Variants in RSRC1 observed in about 807,000 individuals in gnomAD.
The protein encoded by RSRC1 is serine/Arginine-related protein 53.
Under a neutral mutation model 49.1 loss-of-function variants are expected in RSRC1, and 39 were observed. The observed-to-expected ratio is 0.79, with a 90% CI of 0.61 to 1.04. The LOEUF is 1.04. RSRC1 is among the 50% of genes least tolerant of loss of function. The pLI, the probability that RSRC1 is intolerant of heterozygous loss-of-function variation, is 0.00. For synonymous variants in RSRC1, 143 were observed against 130.8 expected (o/e 1.09, Z -0.63); for missense variants, 388 against 402.4 (o/e 0.96, Z 0.31).
chr3:158,519,036 T>A (rs1711521054), intron 7 of RSRC1, among the ~76,000 whole-genome samples: 1 of 152,164 alleles, frequency 6.6e-6, no homozygotes. Flanking sequence ...TAACATATAG[T>A]CATCTCAAAG....
At chr3:158,349,691 CTTTTTTTTT>C (rs775736592) in intron 5 of RSRC1, among the ~76,000 whole-genome samples, 3 of 74,852 alleles carry the variant, frequency 4.0e-5, no homozygotes, top group Non-Finnish European at 7.0e-5. Flanking sequence ...TCTTACTGCC[CTTTTTTTTT>C]TTTTTTTTTT....
chr3:158,513,977 T>C (rs1173396831), intron 7 of RSRC1, among the ~76,000 whole-genome samples: 1 of 152,190 alleles, frequency 6.6e-6, no homozygotes, highest in Non-Finnish European at 1.5e-5. Context: ...CCCTTTATCA[T>C]TTTTTATTGC....
At chr3:158,125,580 A>G (rs1715565708) in intron 3 of RSRC1, among the ~76,000 whole-genome samples, 1 of 152,112 alleles carries the variant, frequency 6.6e-6, no homozygotes. Flanking sequence ...TGTTTCGAAA[A>G]GATACTTGCT....
chr3:158,137,244 A>G (rs761026293), intron 3 of RSRC1, among the ~76,000 whole-genome samples: 17 of 152,140 alleles, frequency 1.1e-4, no homozygotes, highest in Non-Finnish European at 2.2e-4. Context: ...TTCTCAGTCA[A>G]GTTGCTTTAA....
Position 158,340,590 on chromosome 3 carries a change from C to T in RSRC1, c.532-14267C>T, listed in dbSNP as rs549856991. 2.6e-5 allele frequency among the ~76,000 whole-genome samples: 4 copies of T among 152,224 alleles called. No individual in the cohort carries two copies. The South Asian group carries it at 6.2e-4, about 24-fold the overall frequency. On this transcript the variant is annotated intron_variant, in intron 5 of 9. Coordinates refer to ENST00000611884, the MANE Select transcript of RSRC1 (RefSeq NM_001271838.2). The stretch of plus-strand genomic sequence containing the variant: ...CAAAAAAAAGAAGTGCCTTTTGCCT[C>T]CCACCATGATTTTGAGGCCTCCCCA...
At position 158,353,999 on chromosome 3, in the gene RSRC1, T is replaced by TC. The variant is rs1220229783; in HGVS notation, c.532-858_532-857insC. Among the ~76,000 whole-genome samples the TC allele has an allele frequency of 3.5e-4, 49 of 139,762 alleles. 1 individual carries two copies. The highest frequency in any genetic ancestry group is 6.1e-4 in the Non-Finnish European group (39 of 64,274). The allele number at this position is 139,762 out of a possible 152,430, so 91.7% of individuals were successfully genotyped here. On this transcript the variant is annotated intron_variant, in intron 5 of 9. Transcript: ENST00000611884. ...AAATTAGTTTAGTTTCTTTTTCTTT[T>TC]TTTTTTTTTTTTTTTTTGAGACGGA...
chr3:158,440,584 G>T lies in RSRC1; in HGVS notation c.584-20351G>T, dbSNP rs138921506. Among the ~76,000 whole-genome samples the T allele has an allele frequency of 5.6e-3, 847 of 152,076 alleles. 6 individuals are homozygous for T. Among genetic ancestry groups the T allele is most frequent in the Non-Finnish European group, 6.4e-3 (434 of 67,978 alleles). Reference sequence around the variant, plus strand: ...CCAATTTCTGCTTAAAAGTACATTTGCCCACACATGCACGTGTGCACACAC... The same window carrying T: ...CCAATTTCTGCTTAAAAGTACATTTTCCCACACATGCACGTGTGCACACAC... On this transcript the variant is annotated intron_variant, in intron 6 of 9. Transcript: ENST00000611884.
chr3:158,409,891 C>G (rs1335405908), intron 6 of RSRC1, among the ~76,000 whole-genome samples: 1 of 151,656 alleles, frequency 6.6e-6, no homozygotes, highest in East Asian at 1.9e-4. Context: ...TCAATGGCTT[C>G]CATCTGCCCA....
chr3:158,307,775 T>A (rs1727916735), intron 5 of RSRC1, among the ~76,000 whole-genome samples: 1 of 151,870 alleles, frequency 6.6e-6, no homozygotes, highest in Non-Finnish European at 1.5e-5. Flanking sequence ...TGAATGTATT[T>A]TAATTTCTGA....
intron 4 of RSRC1, among the ~76,000 whole-genome samples, chr3:158,266,622 G>A (rs1024349112): frequency 7.9e-5 from 12 of 151,944 alleles, no homozygotes; most frequent in East Asian, 1.9e-4. Flanking sequence ...TTTATTTTTA[G>A]TTGTTCCTCT....
At chr3:158,242,107 T>A (rs931097218) in intron 4 of RSRC1, among the ~76,000 whole-genome samples, 9 of 137,974 alleles carry the variant, frequency 6.5e-5, no homozygotes, top group Non-Finnish European at 1.5e-5. Context: ...CATAGTTAAG[T>A]GTGTGCCATG....
chr3:158,329,547 C>A (rs962880835), intron 5 of RSRC1, among the ~76,000 whole-genome samples: 1 of 152,228 alleles, frequency 6.6e-6, no homozygotes, highest in Non-Finnish European at 1.5e-5. Context: ...GGCTGCAGAA[C>A]AGCGAATATT....
At chr3:158,475,533 C>CA (rs1220378856) in intron 7 of RSRC1, among the ~76,000 whole-genome samples, 3 of 152,078 alleles carry the variant, frequency 2.0e-5, no homozygotes. Flanking sequence ...ATCTCTTTGT[C>CA]ACATTTTGGT....
intron 7 of RSRC1, among the ~76,000 whole-genome samples, chr3:158,487,913 G>T (rs1034160323): frequency 1.2e-4 from 15 of 120,670 alleles, no homozygotes; most frequent in African/African-American, 4.9e-4. Flanking sequence ...CCACGCCATT[G>T]CACTCCAGCC....
intron 4 of RSRC1, among the ~76,000 whole-genome samples, chr3:158,213,752 G>A (rs1023182598): frequency 3.3e-5 from 5 of 151,892 alleles, no homozygotes; most frequent in Non-Finnish European, 7.4e-5. Context: ...AAAGATAAAG[G>A]AGGGCATTCT....
intron 3 of RSRC1, among the ~76,000 whole-genome samples, chr3:158,162,204 C>G (rs542321542): frequency 1.5e-3 from 233 of 152,232 alleles, no homozygotes; most frequent in Non-Finnish European, 2.0e-3. Context: ...TCAAAATACT[C>G]TAAGTAAATC....
intron 3 of RSRC1, among the ~76,000 whole-genome samples, chr3:158,165,919 G>C (rs1718503433): frequency 6.6e-6 from 1 of 152,114 alleles, no homozygotes; most frequent in Non-Finnish European, 1.5e-5. Context: ...ATTGATTGCT[G>C]GTGAAAGTTT....
At chr3:158,131,067 T>C (rs565392190) in intron 3 of RSRC1, among the ~76,000 whole-genome samples, 11 of 152,190 alleles carry the variant, frequency 7.2e-5, no homozygotes, top group African/African-American at 2.4e-4. Context: ...TTTTTTCCTA[T>C]CTTAGGAGGA....
intron 4 of RSRC1, among the ~76,000 whole-genome samples, chr3:158,209,662 T>G (rs1268451874): frequency 6.6e-6 from 1 of 152,274 alleles, no homozygotes; most frequent in African/African-American, 2.4e-5. Flanking sequence ...TTCTGAGAAA[T>G]GTACCCAACA....
Sources: gnomAD v4.1 joint callset for allele counts (sites outside exome capture counted in the v4.1 genomes callset) on GRCh38, gnomAD v4.1.1 for gene constraint, MANE v1.5 for transcripts, NCBI Gene and HGNC (gene_info 2026-07-23, HGNC 2026-07-21) for gene names.